NINL: variants seen among roughly 807,000 people sequenced by gnomAD.
NINL encodes ninein-like protein.
A neutral mutation model predicts 160.3 loss-of-function variants in NINL; 153 were observed. That is an observed-to-expected ratio of 0.95 (90% CI 0.84 to 1.09). The LOEUF is 1.09. Among genes scored for constraint, NINL ranks in the 50% least tolerant of loss-of-function variants. NINL has a pLI of 0.00. For synonymous variants in NINL, 800 were observed against 734.8 expected, an observed-to-expected ratio of 1.09 and a Z score of -1.43; for missense variants, 1,829 against 1,764.0, an observed-to-expected ratio of 1.04 and a Z score of -0.66.
chr20:25,549,655 A>G (rs947698112), intron 1 of NINL, among the ~76,000 whole-genome samples: 9 of 152,182 alleles, frequency 5.9e-5, no homozygotes, highest in Admixed American at 1.3e-4. Flanking sequence ...AACTAAATCA[A>G]TGTCGTGGCC....
At chr20:25,570,693 ACTTTTTTT>A (rs1439942498) in intron 1 of NINL, among the ~76,000 whole-genome samples, 1 of 74,102 alleles carries the variant, frequency 1.3e-5, no homozygotes, top group Non-Finnish European at 2.7e-5. Context: ...GGGCAAGTAG[ACTTTTTTT>A]TTTTTTTTTT....
chr20:25,544,426 C>A (rs983709288), intron 1 of NINL, among the ~76,000 whole-genome samples: 1 of 152,188 alleles, frequency 6.6e-6, no homozygotes, highest in African/African-American at 2.4e-5. Context: ...AAGGAATGAG[C>A]AGGATGCAGA....
At chr20:25,577,234 C>A (rs2065125049) in intron 1 of NINL, among the ~76,000 whole-genome samples, 1 of 152,232 alleles carries the variant, frequency 6.6e-6, no homozygotes, top group South Asian at 2.1e-4. Flanking sequence ...TGCTGGTCAT[C>A]CCAGGACCGT....
At chr20:25,462,768 C>T in intron 19 of NINL, 1 of 398,970 alleles carries the variant, frequency 2.5e-6, no homozygotes, top group Admixed American at 4.1e-5. Flanking sequence ...GATCCTCCCA[C>T]CTCAGCCTCC....
chr20:25,580,080 C>T (rs535359337), intron 1 of NINL, among the ~76,000 whole-genome samples: 3 of 152,256 alleles, frequency 2.0e-5, no homozygotes, highest in African/African-American at 7.2e-5. Context: ...AGCCTGTAAT[C>T]CCAGCACTTT....
At chr20:25,556,880 C>T (rs1214675299) in intron 1 of NINL, among the ~76,000 whole-genome samples, 3 of 152,080 alleles carry the variant, frequency 2.0e-5, no homozygotes, top group Admixed American at 6.6e-5. Context: ...GGATAGAATA[C>T]AGAACACAAC....
In NINL at chr20:25,504,841, G is replaced by A. The variant is rs755157399; in HGVS notation, c.708+47C>T. On this transcript the variant is annotated intron_variant, in intron 6 of 23. Coordinates refer to ENST00000278886, the MANE Select transcript of NINL (RefSeq NM_025176.6). The stretch of plus-strand genomic sequence containing the variant: ...GTTTCCAGACCCAACACTAAACCGT[G>A]ACCATGGCCAGGAATATGTGGCTGG... 4 of 1,595,954 alleles carry A rather than the reference G, an allele frequency of 2.5e-6. No homozygotes were observed. The South Asian group carries it at 4.4e-5, about 18-fold the overall frequency.
At chr20:25,458,262 C>A in intron 22 of NINL, 121 bp downstream of exon 22, 3 of 1,302,034 alleles carry the variant, frequency 2.3e-6, no homozygotes, top group Non-Finnish European at 3.3e-6. Context: ...TACCATCTGA[C>A]ATGCTACATA....
At chr20:25,541,367 ATGCCCCATT>A (rs2064659227) in intron 1 of NINL, among the ~76,000 whole-genome samples, 1 of 152,238 alleles carries the variant, frequency 6.6e-6, no homozygotes, top group African/African-American at 2.4e-5. Flanking sequence ...AAATGTTACC[ATGCCCCATT>A]ATACAGGCAA....
intron 2 of NINL, among the ~76,000 whole-genome samples, chr20:25,524,436 C>T (rs541031010): frequency 3.3e-4 from 50 of 152,300 alleles, no homozygotes; most frequent in African/African-American, 1.1e-3. Flanking sequence ...GACGGAAGGA[C>T]GATGGCTGGA....
At chr20:25,488,532 T>G (rs557410730) in intron 13 of NINL, among the ~76,000 whole-genome samples, 1 of 152,052 alleles carries the variant, frequency 6.6e-6, no homozygotes, top group African/African-American at 2.4e-5. Context: ...CCTCCTTCAC[T>G]CATTCTCTTT....
In NINL at chr20:25,479,091, TC is replaced by T. The variant is rs2146548272; in HGVS notation, c.2032del (p.Asp678ThrfsTer64). ...EVSVLEGQKA[D>X]LEELHEKSQE... ...AGACTTCTCGTGGAGCTCCTCCAGG[TC>T]GGCCTTCTGACCCTCCAGCACGCTG... On this transcript the variant is annotated frameshift_variant, in exon 16 of 24. Transcript: ENST00000278886. LOFTEE classifies it high-confidence loss of function. 1.2e-6 allele frequency: 2 copies of T among 1,613,458 alleles called. No individual in the cohort carries two copies. The highest frequency in any genetic ancestry group is 4.5e-5 in the East Asian group (2 of 44,866).
chr20:25,494,744 TG>T (rs1197125507), intron 10 of NINL, among the ~76,000 whole-genome samples: 3 of 152,084 alleles, frequency 2.0e-5, no homozygotes, highest in African/African-American at 7.2e-5. Context: ...CCTGAGGACA[TG>T]GGTTATGGAG....
chr20:25,546,219 C>A (rs2064730244), intron 1 of NINL, among the ~76,000 whole-genome samples: 2 of 152,150 alleles, frequency 1.3e-5, no homozygotes. Flanking sequence ...TTTGGGTTTT[C>A]CATTAACACC....
intron 1 of NINL, among the ~76,000 whole-genome samples, chr20:25,580,136 C>T (rs1786294474): frequency 6.6e-6 from 1 of 152,098 alleles, no homozygotes; most frequent in African/African-American, 2.4e-5. Flanking sequence ...AGTTCGAGAC[C>T]AGCGTAGACA....
intron 4 of NINL, among the ~76,000 whole-genome samples, chr20:25,512,233 C>G (rs1447392385): frequency 3.3e-5 from 5 of 152,178 alleles, no homozygotes; most frequent in African/African-American, 4.8e-5. Context: ...CTCAGTATAA[C>G]TAAGTGTTCA....
intron 22 of NINL, among the ~76,000 whole-genome samples, chr20:25,457,032 G>C (rs891899187): frequency 6.6e-6 from 1 of 151,872 alleles, no homozygotes; most frequent in African/African-American, 2.4e-5. Flanking sequence ...GTTTAAAAAT[G>C]TTCTGGCCCA....
At chr20:25,469,354 C>T (rs1395910119) in intron 18 of NINL, among the ~76,000 whole-genome samples, 1 of 129,566 alleles carries the variant, frequency 7.7e-6, no homozygotes, top group Admixed American at 7.9e-5. Context: ...CCCCGACTTT[C>T]ACTGGTGGCC....
chr20:25,489,414 A>G, intron 12 of NINL, 90 bp from the exon 13 acceptor site: 1 of 1,106,046 alleles, frequency 9.0e-7, no homozygotes. Flanking sequence ...GAACCTGCCC[A>G]GCTTCTGCCA....
Sources: allele counts gnomAD v4.1 joint callset (sites outside exome capture counted in the v4.1 genomes callset), GRCh38; gene constraint gnomAD v4.1.1; transcripts MANE v1.5; gene names NCBI Gene and HGNC (gene_info 2026-07-23, HGNC 2026-07-21).